The following TLN2 variants were observed in gnomAD, a reference collection of about 807,000 sequenced individuals.
The protein encoded by TLN2 is talin-2.
TLN2 carries 118 observed loss-of-function variants against 294.7 expected under a neutral mutation model. The observed-to-expected ratio is 0.40, with a 90% CI of 0.34 to 0.47. The LOEUF (loss-of-function observed/expected upper bound fraction) is 0.47, where lower values mean the gene tolerates loss of function less well. Among genes scored for constraint, TLN2 ranks in the 20% least tolerant of loss-of-function variants. TLN2 has a pLI of 0.84. For synonymous variants in TLN2, 1,431 were observed against 1,304.5 expected (o/e 1.10, Z -2.09); for missense variants, 3,083 against 3,282.2 (o/e 0.94, Z 1.48).
Position 62,528,856 on chromosome 15 carries a change from G to A in TLN2, c.-237-60831G>A, listed in dbSNP as rs143279707. On this transcript the variant is annotated intron_variant, in intron 1 of 58. Transcript: ENST00000636159. ...TCTATGGCTGATGTCTCTCAGCTGT[G>A]TGCTTGTTTACTTTCTGTACTTCAC... Among the ~76,000 whole-genome samples the A allele has an allele frequency of 4.2e-3, 640 of 152,100 alleles. 7 individuals are homozygous for A. Among genetic ancestry groups the A allele is most frequent in the African/African-American group, 0.015 (617 of 41,488 alleles).
intron 22 of TLN2, 73 bp from the exon 23 acceptor site, chr15:62,716,258 A>C: frequency 7.2e-7 from 1 of 1,385,290 alleles, no homozygotes. Context: ...ACTAAGAAAA[A>C]ATAATACTGA....
intron 1 of TLN2, among the ~76,000 whole-genome samples, chr15:62,435,602 C>T (rs770965635): frequency 3.3e-5 from 5 of 152,118 alleles, no homozygotes; most frequent in East Asian, 1.9e-4. Context: ...AGTGCGATGG[C>T]GCGATCTTGG....
intron 1 of TLN2, among the ~76,000 whole-genome samples, chr15:62,449,749 T>A (rs954301462): frequency 2.0e-5 from 3 of 152,076 alleles, no homozygotes; most frequent in African/African-American, 7.2e-5. Context: ...CCATCCCAGT[T>A]TGGGTGACAG....
intron 2 of TLN2, among the ~76,000 whole-genome samples, chr15:62,605,626 C>G (rs183085804): frequency 7.0e-6 from 1 of 143,484 alleles, no homozygotes. Flanking sequence ...ACTTGACCTG[C>G]CAGCTCAGAA....
chr15:62,692,799 T>C (rs1228169117), intron 12 of TLN2, 41 bp from the exon 13 acceptor site: 3 of 1,520,680 alleles, frequency 2.0e-6, no homozygotes, highest in South Asian at 1.1e-5. Flanking sequence ...AATGCTGATA[T>C]ATCTGATTTG....
rs1171851227 is a variant in TLN2, at chr15:62,677,338, C to T, written c.957+2017C>T. On this transcript the variant is annotated intron_variant, in intron 11 of 58. Transcript: ENST00000636159. Reference sequence around the variant, plus strand: ...TTAAATTCATCTCTTGCATTCAGATCATCTTCCATTAATACCATCAGGCTT... The same window carrying T: ...TTAAATTCATCTCTTGCATTCAGATTATCTTCCATTAATACCATCAGGCTT... Among the ~76,000 whole-genome samples the T allele has an allele frequency of 2.0e-5, 3 of 152,336 alleles. No individual in the cohort carries two copies. The East Asian group carries it at 5.8e-4, about 29-fold the overall frequency.
At chr15:62,734,715 A>C (rs187621232) in intron 28 of TLN2, among the ~76,000 whole-genome samples, 3 of 152,342 alleles carry the variant, frequency 2.0e-5, no homozygotes, top group Admixed American at 2.0e-4. Flanking sequence ...ATAGATTGGC[A>C]GCTTTGTCAT....
chr15:62,763,135 T>C (rs2062777444), intron 39 of TLN2: 1 of 155,118 alleles, frequency 6.4e-6, no homozygotes, highest in Admixed American at 6.5e-5. Flanking sequence ...TTTTAATTCC[T>C]ACTGTAGCCC....
intron 1 of TLN2, among the ~76,000 whole-genome samples, chr15:62,529,448 C>G (rs1044902654): frequency 3.3e-5 from 5 of 151,792 alleles, no homozygotes; most frequent in Admixed American, 2.0e-4. Flanking sequence ...TAGGAGAGAA[C>G]TCGTATTGCA....
chr15:62,633,826 T>G (rs887822360), intron 3 of TLN2, among the ~76,000 whole-genome samples: 2 of 152,210 alleles, frequency 1.3e-5, no homozygotes, highest in Non-Finnish European at 2.9e-5. Context: ...AAATTTATTG[T>G]CTCACAGTTC....
At position 62,577,402 on chromosome 15, in the gene TLN2, T is replaced by C. The variant is rs552826630; in HGVS notation, c.-237-12285T>C. Among the ~76,000 whole-genome samples, 41 of 152,254 alleles carry C rather than the reference T, an allele frequency of 2.7e-4. No homozygotes were observed. In the South Asian group the frequency reaches 6.6e-3, roughly 25 times the overall value. ...GAGGTTGTGGTGAGCCGAGATCGCG[T>C]CATTGCACTCCAGCCTGGGCAATAA... On this transcript the variant is annotated intron_variant, in intron 1 of 58. Transcript: ENST00000636159.
Position 62,701,039 on chromosome 15 carries a change from G to C in TLN2, c.1588-67G>C. On this transcript the variant is annotated intron_variant, in intron 16 of 58. Coordinates refer to ENST00000636159, the MANE Select transcript of TLN2 (RefSeq NM_015059.3). Reference sequence around the variant, plus strand: ...CAAAATGCTGGTGTGATTTTATGGCGGGGCTTCTCCGGTCTCCTGGGTAAT... The same window carrying C: ...CAAAATGCTGGTGTGATTTTATGGCCGGGCTTCTCCGGTCTCCTGGGTAAT... 9.7e-6 allele frequency: 13 copies of C among 1,335,904 alleles called. 1 individual carries two copies. The highest frequency in any genetic ancestry group is 1.4e-5 in the South Asian group (1 of 72,462). 82.8% of individuals were successfully genotyped at this position (1,335,904 alleles called of 1,614,324 possible). A position where few individuals can be genotyped will look rare whatever the true frequency, so the allele number is the denominator to read the frequency against.
chr15:62,692,021 C>T (rs1299451007), intron 12 of TLN2, among the ~76,000 whole-genome samples: 1 of 152,150 alleles, frequency 6.6e-6, no homozygotes, highest in Admixed American at 6.5e-5. Context: ...TAGCAGGTGG[C>T]CACTTTGTTC....
rs556715508 is a variant in TLN2, at chr15:62,764,230, T to A, written c.5094+535T>A. Among the ~76,000 whole-genome samples, 3 of 152,324 alleles carry A rather than the reference T, an allele frequency of 2.0e-5. No individual in the cohort carries two copies. The South Asian group carries it at 6.2e-4, about 32-fold the overall frequency. On this transcript the variant is annotated intron_variant, in intron 40 of 58. Coordinates refer to ENST00000636159, the MANE Select transcript of TLN2 (RefSeq NM_015059.3). ...AGCCACTTTGCCCTTTCTTGCTTGT[T>A]TTTCCAAAGTTTAAAATGGAATTTT...
intron 54 of TLN2, chr15:62,830,815 G>GTGC (rs2068750382): frequency 6.6e-6 from 1 of 152,124 alleles, no homozygotes; most frequent in Admixed American, 6.6e-5. Flanking sequence ...CTCCATCCCT[G>GTGC]TGCCATCCCA....
chr15:62,792,606 GCTT>G, intron 45 of TLN2, 32 bp from the exon 46 acceptor site: 1 of 1,606,400 alleles, frequency 6.2e-7, no homozygotes, highest in Non-Finnish European at 8.5e-7. Context: ...AGTCCATCAC[GCTT>G]CTCCTTCCCC....
chr15:62,698,717 G>C lies in TLN2; in HGVS notation c.1474-37G>C, dbSNP rs12906130. 4 of 1,560,946 alleles carry C rather than the reference G, an allele frequency of 2.6e-6. No homozygotes were observed. In the African/African-American group the frequency reaches 5.4e-5, roughly 21 times the overall value. On this transcript the variant is annotated intron_variant, in intron 15 of 58. Transcript: ENST00000636159. ...ATAAAGGGCCATGTCGGTCCCAGGC[G>C]TGTGGGATGACAGCTTTGTTTCATT...
At chr15:62,765,386 A>G (rs1365135206) in intron 40 of TLN2, among the ~76,000 whole-genome samples, 2 of 150,068 alleles carry the variant, frequency 1.3e-5, no homozygotes, top group African/African-American at 4.9e-5. Flanking sequence ...TTTTGAGGAC[A>G]CTCTGCCCGC....
intron 21 of TLN2, among the ~76,000 whole-genome samples, chr15:62,709,982 G>A (rs530600972): frequency 2.0e-5 from 3 of 152,218 alleles, no homozygotes; most frequent in Non-Finnish European, 2.9e-5. Flanking sequence ...TGATCTGCCC[G>A]CCTCAGCCTC....
Sources: allele counts gnomAD v4.1 joint callset (sites outside exome capture counted in the v4.1 genomes callset), GRCh38; gene constraint gnomAD v4.1.1; transcripts MANE v1.5; gene names NCBI Gene and HGNC (gene_info 2026-07-23, HGNC 2026-07-21).